The following PVT1 variants were observed in gnomAD, a reference collection of about 807,000 sequenced individuals.
PVT1 encodes CXCR4/PVT1 fusion.
intron 2 of PVT1, among the ~76,000 whole-genome samples, chr8:127,874,928 GT>G (rs1408027503): frequency 9.3e-5 from 14 of 150,500 alleles, no homozygotes; most frequent in African/African-American, 3.3e-4. Flanking sequence ...GTGTGTGTGT[GT>G]GTGTGTGGGT....
chr8:127,984,306 C>A (rs1240394873), intron 3 of PVT1: 1 of 152,108 alleles, frequency 6.6e-6, no homozygotes, highest in Non-Finnish European at 1.5e-5. Context: ...CTCAATGGTC[C>A]CCTATGGCTG....
chr8:128,072,607 C>T (rs6990725), intron 5 of PVT1, among the ~76,000 whole-genome samples: 8,222 of 152,088 alleles, frequency 0.054, 304 homozygotes, highest in East Asian at 0.14. Context: ...TTAGTCACCG[C>T]GAGGCTCAGG....
rs143869008 is a variant in PVT1 at position 127,903,400 on chromosome 8, T to C, written n.782+12402T>C. 3.3e-4 allele frequency among the ~76,000 whole-genome samples: 51 copies of C among 152,390 alleles called. No individual in the cohort carries two copies. The East Asian group carries it at 9.2e-3, about 28-fold the overall frequency. On this transcript the variant is annotated intron_variant and non_coding_transcript_variant, in intron 3 of 10. Transcript: ENST00000651587. ...GTAGCTTGTCTGTGTACTCCCTTGA[T>C]AGTTTCTTTTGCTCTGCAGAAACTC...
At chr8:127,957,779 G>A (rs917653613) in intron 3 of PVT1, among the ~76,000 whole-genome samples, 1 of 152,212 alleles carries the variant, frequency 6.6e-6, no homozygotes, top group Non-Finnish European at 1.5e-5. Context: ...CTGCGCAGCT[G>A]ATAGCACTGC....
At position 128,030,533 on chromosome 8, in the gene PVT1, C is replaced by T. The variant is rs529218493; in HGVS notation, n.913-39627C>T. On this transcript the variant is annotated intron_variant and non_coding_transcript_variant, in intron 4 of 10. Transcript: ENST00000651587. ...TTGAGGAGCTGGAAGTGCTGAGATG[C>T]AACATAAGTTCCCCAAAATTATGCT... is the stretch of plus-strand genomic sequence containing the variant. 7.2e-5 allele frequency among the ~76,000 whole-genome samples: 11 copies of T among 152,244 alleles called. No individual in the cohort carries two copies. In the East Asian group the frequency reaches 2.1e-3, roughly 29 times the overall value.
At chr8:127,880,862 G>A (rs1006702484) in intron 2 of PVT1, among the ~76,000 whole-genome samples, 3 of 152,174 alleles carry the variant, frequency 2.0e-5, no homozygotes, top group Non-Finnish European at 2.9e-5. Context: ...GCCTCCCAAC[G>A]TGCTGGGATT....
intron 2 of PVT1, among the ~76,000 whole-genome samples, chr8:127,829,070 G>A (rs1014235966): frequency 6.6e-6 from 1 of 152,180 alleles, no homozygotes; most frequent in Non-Finnish European, 1.5e-5. Context: ...GAGGTCAGGA[G>A]TTCGAGACCA....
chr8:128,043,322 C>T (rs1813568492), intron 4 of PVT1, among the ~76,000 whole-genome samples: 2 of 152,196 alleles, frequency 1.3e-5, no homozygotes, highest in Non-Finnish European at 2.9e-5. Context: ...CTTCACGTTG[C>T]AACTCAGCAT....
chr8:127,865,609 T>C (rs1361415010), intron 2 of PVT1, among the ~76,000 whole-genome samples: 1 of 151,852 alleles, frequency 6.6e-6, no homozygotes, highest in African/African-American at 2.4e-5. Context: ...TCCCTAGAAG[T>C]TGGAAAAGGC....
intron 5 of PVT1, among the ~76,000 whole-genome samples, chr8:128,075,305 C>G (rs1042958450): frequency 1.3e-5 from 2 of 152,078 alleles, no homozygotes; most frequent in African/African-American, 4.8e-5. Flanking sequence ...AGCAGGAAAC[C>G]TCCTCCTTCT....
intron 4 of PVT1, among the ~76,000 whole-genome samples, chr8:128,009,361 C>T (rs1817287251): frequency 6.6e-6 from 1 of 152,138 alleles, no homozygotes; most frequent in African/African-American, 2.4e-5. Context: ...TCTATATGTC[C>T]TGCATAAGAA....
chr8:127,923,217 A>G (rs191924889), intron 3 of PVT1, among the ~76,000 whole-genome samples: 1 of 152,362 alleles, frequency 6.6e-6, no homozygotes, highest in Non-Finnish European at 1.5e-5. Flanking sequence ...CGTTGAGTTC[A>G]TCATAGCGAT....
chr8:128,053,768 A>G (rs942613082), intron 4 of PVT1, among the ~76,000 whole-genome samples: 4 of 152,216 alleles, frequency 2.6e-5, no homozygotes, highest in Non-Finnish European at 4.4e-5. Flanking sequence ...TCCTGTTCTC[A>G]GCATCTGTCA....
intron 4 of PVT1, among the ~76,000 whole-genome samples, chr8:128,000,277 TTC>T (rs1182010627): frequency 6.6e-6 from 1 of 152,180 alleles, no homozygotes; most frequent in African/African-American, 2.4e-5. Flanking sequence ...CCTGGCTTCC[TTC>T]TCAGCCAGGC....
At chr8:127,911,435 G>C (rs957090410) in intron 3 of PVT1, among the ~76,000 whole-genome samples, 1 of 152,210 alleles carries the variant, frequency 6.6e-6, no homozygotes. Context: ...TTACCTGGCC[G>C]GCCTTGCAAA....
chr8:127,968,805 A>C (rs929512980), intron 3 of PVT1, among the ~76,000 whole-genome samples: 4 of 152,140 alleles, frequency 2.6e-5, no homozygotes, highest in Admixed American at 2.6e-4. Flanking sequence ...GGACACGTGG[A>C]TACAGACACA....
intron 3 of PVT1, among the ~76,000 whole-genome samples, chr8:127,949,009 C>G (rs1210778390): frequency 6.6e-6 from 1 of 152,208 alleles, no homozygotes; most frequent in Non-Finnish European, 1.5e-5. Context: ...AGGCTCACTG[C>G]GAGCCAGGGC....
chr8:128,031,111 T>C (rs1376018252), intron 4 of PVT1, among the ~76,000 whole-genome samples: 1 of 152,218 alleles, frequency 6.6e-6, no homozygotes, highest in Non-Finnish European at 1.5e-5. Context: ...TCGGCGCACC[T>C]GGCCTGTTCC....
chr8:127,952,555 T>C (rs1353955954), intron 3 of PVT1, among the ~76,000 whole-genome samples: 1 of 152,274 alleles, frequency 6.6e-6, no homozygotes, highest in Non-Finnish European at 1.5e-5. Context: ...GCCATTTTTT[T>C]CTTTAAACAC....
Sources: allele counts gnomAD v4.1 joint callset (sites outside exome capture counted in the v4.1 genomes callset), GRCh38; gene constraint gnomAD v4.1.1; transcripts MANE v1.5; gene names NCBI Gene and HGNC (gene_info 2026-07-23, HGNC 2026-07-21).